Variants in POU2AF2 observed in about 807,000 individuals in gnomAD.
POU2AF2 encodes POU class 2 homeobox associating factor 2, also known as POU domain class 2-associating factor 2.
chr11:111,270,819 C>G, the POU2AF2 span, among the ~76,000 whole-genome samples: 1 of 152,158 alleles, frequency 6.6e-6, no homozygotes, highest in South Asian at 2.1e-4. Flanking sequence ...TGTTGATAAT[C>G]CTCTAAAAGG....
chr11:111,260,550 G>T, the POU2AF2 span, among the ~76,000 whole-genome samples: 2 of 152,124 alleles, frequency 1.3e-5, no homozygotes, highest in African/African-American at 2.4e-5. Context: ...CCGGGGAGAA[G>T]ATACACAAAA....
the POU2AF2 span, chr11:111,283,962 T>G: frequency 7.9e-6 from 7 of 886,178 alleles, no homozygotes; most frequent in South Asian, 6.5e-5. Flanking sequence ...ATGTTAGCGT[T>G]GGAGTCAGGC....
At chr11:111,264,226 T>C in the POU2AF2 span, among the ~76,000 whole-genome samples, 1 of 152,056 alleles carries the variant, frequency 6.6e-6, no homozygotes, top group East Asian at 1.9e-4. Flanking sequence ...TGGGGTACAG[T>C]GGCTCACGTC....
At chr11:111,255,113 G>A in the POU2AF2 span, among the ~76,000 whole-genome samples, 12 of 152,152 alleles carry the variant, frequency 7.9e-5, no homozygotes, top group Admixed American at 5.2e-4. Flanking sequence ...TTGGGGAAAC[G>A]TTTTACTCTA....
chr11:111,254,862 A>C, the POU2AF2 span, among the ~76,000 whole-genome samples: 3 of 152,348 alleles, frequency 2.0e-5, no homozygotes, highest in East Asian at 5.8e-4. Context: ...GTAAGCCAGC[A>C]ACACCTCAAC....
At chr11:111,260,196 A>G in the POU2AF2 span, among the ~76,000 whole-genome samples, 2 of 152,256 alleles carry the variant, frequency 1.3e-5, no homozygotes, top group Admixed American at 6.5e-5. Context: ...GCACTAGGAC[A>G]CAATGATTCT....
the POU2AF2 span, among the ~76,000 whole-genome samples, chr11:111,249,612 C>T: frequency 1.3e-5 from 2 of 152,168 alleles, no homozygotes; most frequent in African/African-American, 2.4e-5. Flanking sequence ...TTCTAAAGAC[C>T]TCCACCTTCC....
chr11:111,281,408 G>A, the POU2AF2 span: 1 of 1,612,982 alleles, frequency 6.2e-7, no homozygotes, highest in Non-Finnish European at 8.5e-7. Context: ...GGCAGCGTCA[G>A]TTCCTCTCAG....
the POU2AF2 span, among the ~76,000 whole-genome samples, chr11:111,264,526 A>G: frequency 1.4e-5 from 1 of 71,280 alleles, no homozygotes; most frequent in Non-Finnish European, 2.8e-5. Flanking sequence ...GAAAGAAAGA[A>G]AGAAAGAAAG....
chr11:111,285,271 C>T, the POU2AF2 span, among the ~76,000 whole-genome samples: 1 of 152,148 alleles, frequency 6.6e-6, no homozygotes, highest in African/African-American at 2.4e-5. Flanking sequence ...GTGGGCCAAG[C>T]GCTGACCTTC....
the POU2AF2 span, among the ~76,000 whole-genome samples, chr11:111,283,058 CTT>C: frequency 5.1e-5 from 6 of 118,422 alleles, no homozygotes; most frequent in African/African-American, 1.3e-4. Flanking sequence ...AAACTTTTTA[CTT>C]TTTTTTTTTT....
At chr11:111,277,326 A>T in the POU2AF2 span, among the ~76,000 whole-genome samples, 1 of 152,220 alleles carries the variant, frequency 6.6e-6, no homozygotes, top group Non-Finnish European at 1.5e-5. Flanking sequence ...AAATCTTTGT[A>T]GAGTCTTCTG....
the POU2AF2 span, chr11:111,286,005 A>C: frequency 6.2e-7 from 1 of 1,613,962 alleles, no homozygotes; most frequent in Non-Finnish European, 8.5e-7. Context: ...TGGGTGAAAG[A>C]AGATGGGAGT....
chr11:111,266,617 T>C, the POU2AF2 span, among the ~76,000 whole-genome samples: 1 of 152,198 alleles, frequency 6.6e-6, no homozygotes, highest in East Asian at 1.9e-4. Context: ...TTCCCACCTG[T>C]TCAGTTCTCT....
At chr11:111,265,363 C>G in the POU2AF2 span, among the ~76,000 whole-genome samples, 1 of 152,138 alleles carries the variant, frequency 6.6e-6, no homozygotes, top group Admixed American at 6.5e-5. Context: ...TGGCTAACAT[C>G]TTGCCATTTC....
chr11:111,258,936 T>C, the POU2AF2 span, among the ~76,000 whole-genome samples: 1 of 152,222 alleles, frequency 6.6e-6, no homozygotes, highest in Non-Finnish European at 1.5e-5. Context: ...GGGTCTTTTA[T>C]GGAGAAAGTG....
chr11:111,275,050 A>T, the POU2AF2 span, among the ~76,000 whole-genome samples: 1 of 152,250 alleles, frequency 6.6e-6, no homozygotes, highest in Non-Finnish European at 1.5e-5. Flanking sequence ...GTGTTTATGA[A>T]ATTACTATAA....
At chr11:111,247,893 TTTTTAGACGGAGTC>T in the POU2AF2 span, among the ~76,000 whole-genome samples, 1 of 148,996 alleles carries the variant, frequency 6.7e-6, no homozygotes, top group African/African-American at 2.5e-5. Flanking sequence ...TTTTTTTTTT[TTTTTAGACGGAGTC>T]TCGCTTTGTC....
chr11:111,248,375 G>A, the POU2AF2 span, among the ~76,000 whole-genome samples: 56 of 152,290 alleles, frequency 3.7e-4, no homozygotes, highest in African/African-American at 1.2e-3. Flanking sequence ...TGAGCCAGAC[G>A]CTGACCCAAC....
Sources: gnomAD v4.1 joint callset for allele counts (sites outside exome capture counted in the v4.1 genomes callset) on GRCh38, gnomAD v4.1.1 for gene constraint, MANE v1.5 for transcripts, NCBI Gene and HGNC (gene_info 2026-07-23, HGNC 2026-07-21) for gene names.